The following SNTG2 variants were observed in gnomAD, a reference collection of about 807,000 sequenced individuals.
SNTG2 encodes syntrophin gamma 2, also known as gamma-2-syntrophin.
A neutral mutation model predicts 70.9 loss-of-function variants in SNTG2; 74 were observed. The ratio of observed to expected loss-of-function variants is 1.04; its 90% CI spans 0.86 to 1.27. SNTG2 has a LOEUF of 1.27. SNTG2 is among the 50% of genes most tolerant of loss of function. SNTG2 has a pLI of 0.00. For synonymous variants in SNTG2, 278 were observed against 273.8 expected, an observed-to-expected ratio of 1.02 and a Z score of -0.15; for missense variants, 717 against 690.7, an observed-to-expected ratio of 1.04 and a Z score of -0.43.
At chr2:1,204,147 C>T (rs574202642) in intron 8 of SNTG2, among the ~76,000 whole-genome samples, 15 of 152,206 alleles carry the variant, frequency 9.9e-5, no homozygotes, top group South Asian at 6.2e-4. Flanking sequence ...TGCCTGCAAA[C>T]GGGCACAGAG....
intron 9 of SNTG2, among the ~76,000 whole-genome samples, chr2:1,224,591 C>G (rs548375537): frequency 1.3e-5 from 2 of 152,198 alleles, no homozygotes; most frequent in Non-Finnish European, 2.9e-5. Flanking sequence ...GCGTGCCCAG[C>G]GTGGGAGGAG....
At chr2:1,110,136 A>G (rs1019573461) in intron 4 of SNTG2, among the ~76,000 whole-genome samples, 1 of 152,118 alleles carries the variant, frequency 6.6e-6, no homozygotes, top group Non-Finnish European at 1.5e-5. Flanking sequence ...CCAGGTCCCA[A>G]AGCTCCCTGT....
At chr2:1,112,783 T>A (rs1479875671) in intron 4 of SNTG2, among the ~76,000 whole-genome samples, 1 of 151,408 alleles carries the variant, frequency 6.6e-6, no homozygotes, top group Non-Finnish European at 1.5e-5. Context: ...GAGGATCGTG[T>A]GTACTAAGTG....
intron 1 of SNTG2, among the ~76,000 whole-genome samples, chr2:1,052,783 C>T (rs549573066): frequency 6.6e-6 from 1 of 152,312 alleles, no homozygotes; most frequent in African/African-American, 2.4e-5. Flanking sequence ...GGCGGTGGAC[C>T]TGAATGCTGG....
chr2:1,133,530 G>A (rs1252911017), intron 4 of SNTG2, among the ~76,000 whole-genome samples: 1 of 152,130 alleles, frequency 6.6e-6, no homozygotes, highest in African/African-American at 2.4e-5. Context: ...TTTGTATAAT[G>A]AGGCAGTGGC....
chr2:1,098,228 T>C lies in SNTG2; in HGVS notation c.243T>C (p.Val81=), dbSNP rs1226156068. The C allele has an allele frequency of 2.5e-6, 4 of 1,613,928 alleles. No homozygotes were observed. In the Admixed American group the frequency reaches 6.7e-5, roughly 27 times the overall value. Residue 81 remains valine (V), a synonymous_variant, in exon 3 of 17, where the codon GTT becomes GTC. Transcript: ENST00000308624. ...CTGTTACACTCCGCAGACAGCCAGT[T>C]GGCGGCTTGGGCCTGAGTATAAAGG... is the stretch of plus-strand genomic sequence containing the variant. ...RRTVTLRRQP[V]GGLGLSIKGG... is the part of the protein sequence containing the mutation.
Position 1,259,153 on chromosome 2 carries a change from G to T in SNTG2, c.1006-217G>T, listed in dbSNP as rs371850444. 1.6e-4 allele frequency among the ~76,000 whole-genome samples: 25 copies of T among 152,286 alleles called. No individual in the cohort carries two copies. In the East Asian group the frequency reaches 3.9e-3, roughly 24 times the overall value. The stretch of plus-strand genomic sequence containing the variant: ...AGATAGACGTTTTCCTGTCGGTAAA[G>T]GATCTATTATATTTGCCACAAACTG... On this transcript the variant is annotated intron_variant, in intron 12 of 16. Coordinates refer to ENST00000308624, the MANE Select transcript of SNTG2 (RefSeq NM_018968.4).
intron 1 of SNTG2, among the ~76,000 whole-genome samples, chr2:1,022,572 T>A (rs1326569491): frequency 6.6e-6 from 1 of 152,114 alleles, no homozygotes; most frequent in Non-Finnish European, 1.5e-5. Flanking sequence ...CCTGAGTTCC[T>A]GTGATTCCGA....
intron 16 of SNTG2, among the ~76,000 whole-genome samples, chr2:1,364,707 A>G (rs1240115773): frequency 6.8e-6 from 1 of 147,106 alleles, no homozygotes; most frequent in African/African-American, 2.5e-5. Flanking sequence ...CCTGGCTAAC[A>G]TGGTGAAACA....
At chr2:1,149,708 A>AGG (rs1558458484) in intron 6 of SNTG2, among the ~76,000 whole-genome samples, 3 of 142,374 alleles carry the variant, frequency 2.1e-5, no homozygotes, top group African/African-American at 5.3e-5. Context: ...TTTTTTTTCA[A>AGG]ATGGAATCTG....
At chr2:1,127,027 T>G (rs1667737667) in intron 4 of SNTG2, among the ~76,000 whole-genome samples, 1 of 151,468 alleles carries the variant, frequency 6.6e-6, no homozygotes, top group South Asian at 2.1e-4. Context: ...TTATACAATT[T>G]TTTCTCAGAC....
chr2:1,124,313 C>G (rs112621481), intron 4 of SNTG2, among the ~76,000 whole-genome samples: 67,591 of 146,638 alleles, frequency 0.46, 16,595 homozygotes, highest in East Asian at 0.65. Flanking sequence ...TAATTTTTCT[C>G]AGACAGAGGC....
intron 1 of SNTG2, among the ~76,000 whole-genome samples, chr2:972,891 C>G (rs1389925935): frequency 6.6e-6 from 1 of 152,216 alleles, no homozygotes; most frequent in Admixed American, 6.5e-5. Context: ...AATTAAACCT[C>G]TTTTCTTTAT....
chr2:1,328,645 TAA>T (rs1297303284), intron 16 of SNTG2, among the ~76,000 whole-genome samples: 1 of 152,158 alleles, frequency 6.6e-6, no homozygotes, highest in Admixed American at 6.5e-5. Flanking sequence ...AAAAAGCTAA[TAA>T]AGTTTCACAT....
chr2:1,011,064 T>A (rs551388315), intron 1 of SNTG2, among the ~76,000 whole-genome samples: 1 of 152,374 alleles, frequency 6.6e-6, no homozygotes, highest in Non-Finnish European at 1.5e-5. Flanking sequence ...CTCAGTGCTC[T>A]GATAGGTTTT....
chr2:982,992 T>G (rs532943169), intron 1 of SNTG2, among the ~76,000 whole-genome samples: 4 of 145,460 alleles, frequency 2.7e-5, no homozygotes, highest in Admixed American at 6.9e-5. Flanking sequence ...GCTGCAGGGG[T>G]GGTGGTCAGG....
At chr2:956,529 C>G (rs1660165162) in intron 1 of SNTG2, among the ~76,000 whole-genome samples, 1 of 152,228 alleles carries the variant, frequency 6.6e-6, no homozygotes, top group Admixed American at 6.5e-5. Flanking sequence ...CCAGGCGCAG[C>G]ACCTGCCCCC....
Position 1,161,812 on chromosome 2 carries a change from C to G in SNTG2, c.412-3736C>G, listed in dbSNP as rs547838864. ...TCGTTTGGCCGGGTGCGGTGGCTCA[C>G]GCCTGTAATCCCAGCAGTTTGGGAG... is the stretch of plus-strand genomic sequence containing the variant. On this transcript the variant is annotated intron_variant, in intron 6 of 16. Coordinates refer to ENST00000308624, the MANE Select transcript of SNTG2 (RefSeq NM_018968.4). 6 of 152,282 alleles carry G rather than the reference C, an allele frequency of 3.9e-5. No individual in the cohort carries two copies. In the East Asian group the frequency reaches 7.7e-4, roughly 20 times the overall value. 9.4% of individuals were successfully genotyped at this position (152,282 alleles called of 1,614,324 possible).
At chr2:1,129,372 G>C (rs1039736465) in intron 4 of SNTG2, among the ~76,000 whole-genome samples, 1 of 152,140 alleles carries the variant, frequency 6.6e-6, no homozygotes, top group African/African-American at 2.4e-5. Context: ...TGTCCATTAT[G>C]GTACATCGTT....
Sources: allele counts gnomAD v4.1 joint callset (sites outside exome capture counted in the v4.1 genomes callset), GRCh38; gene constraint gnomAD v4.1.1; transcripts MANE v1.5; gene names NCBI Gene and HGNC (gene_info 2026-07-23, HGNC 2026-07-21).